Variants in BTRC observed in about 807,000 individuals in gnomAD.
The protein encoded by BTRC is F-box/WD repeat-containing protein 1A.
A neutral mutation model predicts 85.5 loss-of-function variants in BTRC; 42 were observed. The observed-to-expected ratio is 0.49, with a 90% confidence interval of 0.38 to 0.64. The LOEUF (loss-of-function observed/expected upper bound fraction) is 0.64, where lower values mean the gene tolerates loss of function less well. Ranked by LOEUF, BTRC falls within the 30% of genes least tolerant of loss-of-function variation. BTRC has a pLI of 0.00. For synonymous variants in BTRC, 255 were observed against 263.3 expected (o/e 0.97, Z 0.30); for missense variants, 594 against 743.5 (o/e 0.80, Z 2.34).
chr10:101,362,916 A>T lies in BTRC; in HGVS notation c.48+8688A>T, dbSNP rs554526911. On this transcript the variant is annotated intron_variant, in intron 1 of 14. Coordinates refer to ENST00000370187, the MANE Select transcript of BTRC (RefSeq NM_033637.4). ...TACATAACATTTACATTGCATTATT[A>T]TATGTAATCTAGAGATGATTTGAAA... Among the ~76,000 whole-genome samples, 21 of 152,362 alleles carry T rather than the reference A, an allele frequency of 1.4e-4. No individual in the cohort carries two copies. In the South Asian group the frequency reaches 4.3e-3, roughly 32 times the overall value.
intron 9 of BTRC, among the ~76,000 whole-genome samples, chr10:101,534,138 T>C (rs968228039): frequency 6.6e-6 from 1 of 152,192 alleles, no homozygotes; most frequent in Non-Finnish European, 1.5e-5. Flanking sequence ...GGGGGGTCTA[T>C]TTTAAACCCC....
At chr10:101,390,025 C>T (rs1170777914) in intron 1 of BTRC, among the ~76,000 whole-genome samples, 1 of 152,126 alleles carries the variant, frequency 6.6e-6, no homozygotes, top group Non-Finnish European at 1.5e-5. Flanking sequence ...GTTCTAATCA[C>T]CTACTTAGAG....
At chr10:101,512,170 AG>A (rs2061965665) in intron 4 of BTRC, among the ~76,000 whole-genome samples, 1 of 152,354 alleles carries the variant, frequency 6.6e-6, no homozygotes, top group African/African-American at 2.4e-5. Flanking sequence ...CTAAAGTTCC[AG>A]GTTTAGTCAA....
intron 2 of BTRC, among the ~76,000 whole-genome samples, chr10:101,460,265 G>A (rs1945189850): frequency 6.6e-6 from 1 of 151,804 alleles, no homozygotes; most frequent in Non-Finnish European, 1.5e-5. Flanking sequence ...TGATGTTATG[G>A]GGTAAATAAA....
At chr10:101,398,524 C>G (rs935924745) in intron 1 of BTRC, among the ~76,000 whole-genome samples, 3 of 152,112 alleles carry the variant, frequency 2.0e-5, no homozygotes, top group Admixed American at 6.6e-5. Context: ...AGGATGTTCT[C>G]AATCTCCTGA....
At chr10:101,355,688 A>C (rs1473385888) in intron 1 of BTRC, among the ~76,000 whole-genome samples, 3 of 152,254 alleles carry the variant, frequency 2.0e-5, no homozygotes, top group African/African-American at 7.2e-5. Flanking sequence ...ATACCGTAAC[A>C]AATCCAGATA....
chr10:101,407,540 G>A (rs926944634), intron 1 of BTRC, among the ~76,000 whole-genome samples: 8 of 151,450 alleles, frequency 5.3e-5, no homozygotes, highest in Admixed American at 5.3e-4. Context: ...ACAGGTATGC[G>A]CCACTACACC....
intron 2 of BTRC, among the ~76,000 whole-genome samples, chr10:101,431,316 A>G (rs6584423): frequency 0.33 from 49,707 of 151,684 alleles, 10,684 homozygotes; most frequent in East Asian, 0.67. Flanking sequence ...ACCTCAGGTA[A>G]TCCACCCATC....
intron 2 of BTRC, among the ~76,000 whole-genome samples, chr10:101,442,974 C>A (rs949620391): frequency 6.7e-6 from 1 of 148,246 alleles, no homozygotes; most frequent in Admixed American, 6.8e-5. Context: ...CTCTGCCTCT[C>A]GGGTTCACAC....
At chr10:101,436,441 T>G (rs1265963142) in intron 2 of BTRC, among the ~76,000 whole-genome samples, 1 of 152,100 alleles carries the variant, frequency 6.6e-6, no homozygotes, top group Non-Finnish European at 1.5e-5. Flanking sequence ...GCCCAGGAGT[T>G]CGAGACCAGC....
chr10:101,427,113 C>CTTTTT (rs138285266), intron 1 of BTRC, among the ~76,000 whole-genome samples: 117 of 109,332 alleles, frequency 1.1e-3, no homozygotes, highest in African/African-American at 2.3e-3. Context: ...TTTTTTCTTT[C>CTTTTT]TTTTTTTTTT....
At chr10:101,510,964 A>G (rs1372543217) in intron 4 of BTRC, among the ~76,000 whole-genome samples, 7 of 152,126 alleles carry the variant, frequency 4.6e-5, no homozygotes, top group Non-Finnish European at 1.0e-4. Flanking sequence ...TGCTTTTGCA[A>G]CTTGCTCTTA....
intron 1 of BTRC, among the ~76,000 whole-genome samples, chr10:101,364,229 T>G (rs1942298612): frequency 6.6e-6 from 1 of 152,196 alleles, no homozygotes; most frequent in Admixed American, 6.6e-5. Context: ...TAATACCTGT[T>G]GATTGGATAC....
chr10:101,538,892 A>C (rs1016159857), intron 13 of BTRC, among the ~76,000 whole-genome samples: 2 of 150,082 alleles, frequency 1.3e-5, no homozygotes, highest in African/African-American at 4.9e-5. Flanking sequence ...TGCTAAAAAT[A>C]AAAAAAAAAT....
At chr10:101,519,413 T>C (rs1223722817) in intron 4 of BTRC, among the ~76,000 whole-genome samples, 1 of 152,024 alleles carries the variant, frequency 6.6e-6, no homozygotes, top group East Asian at 1.9e-4. Context: ...AGAATTCAGT[T>C]CCTTGCTGTT....
chr10:101,392,075 G>A (rs1564744462), intron 1 of BTRC, among the ~76,000 whole-genome samples: 1 of 152,312 alleles, frequency 6.6e-6, no homozygotes, highest in South Asian at 2.1e-4. Flanking sequence ...TGCCTCCCGG[G>A]TTCAAGTGTT....
At chr10:101,446,918 A>G (rs1326824953) in intron 2 of BTRC, among the ~76,000 whole-genome samples, 1 of 146,260 alleles carries the variant, frequency 6.8e-6, no homozygotes, top group Non-Finnish European at 1.5e-5. Context: ...AGAGAGCACA[A>G]TAGGGAGAAG....
intron 1 of BTRC, among the ~76,000 whole-genome samples, chr10:101,363,382 A>G (rs540865245): frequency 1.9e-4 from 29 of 152,336 alleles, no homozygotes; most frequent in African/African-American, 6.7e-4. Flanking sequence ...GTTAAGGCAC[A>G]CTTTGGTAAA....
intron 1 of BTRC, among the ~76,000 whole-genome samples, chr10:101,429,804 C>T (rs1944354673): frequency 1.3e-5 from 2 of 150,636 alleles, no homozygotes; most frequent in Non-Finnish European, 2.9e-5. Flanking sequence ...AAAACATACG[C>T]AAACTGTGCA....
Sources: allele counts gnomAD v4.1 joint callset (sites outside exome capture counted in the v4.1 genomes callset), GRCh38; gene constraint gnomAD v4.1.1; transcripts MANE v1.5; gene names NCBI Gene and HGNC (gene_info 2026-07-23, HGNC 2026-07-21).